The following KCNH1 variants were observed in gnomAD, a reference collection of about 807,000 sequenced individuals.
KCNH1 encodes the protein voltage-gated delayed rectifier potassium channel KCNH1.
Under a neutral mutation model 69.2 loss-of-function variants are expected in KCNH1, and 27 were observed. The observed-to-expected ratio is 0.39, with a 90% CI of 0.29 to 0.54. KCNH1 has a LOEUF of 0.54. KCNH1 is among the 20% of genes least tolerant of loss of function. The probability of loss-of-function intolerance (pLI) is 0.68; values close to 1 mark genes in which losing one functional copy is unlikely to be tolerated. For missense variants in KCNH1, 798 were observed against 1,261.6 expected, an observed-to-expected ratio of 0.63 and a Z score of 5.57; for synonymous variants, 456 against 487.7, an observed-to-expected ratio of 0.93 and a Z score of 0.86.
chr1:210,837,199 A>T (rs1389608395), intron 7 of KCNH1, among the ~76,000 whole-genome samples: 1 of 152,020 alleles, frequency 6.6e-6, no homozygotes, highest in African/African-American at 2.4e-5. Flanking sequence ...CAGTCTGGCT[A>T]ACTCCCTTCA....
chr1:210,796,209 A>G (rs1479521261), intron 9 of KCNH1, among the ~76,000 whole-genome samples: 2 of 152,186 alleles, frequency 1.3e-5, no homozygotes, highest in South Asian at 2.1e-4. Context: ...GGATTGAAGC[A>G]GAGGTTTTGG....
Position 210,862,255 on chromosome 1 carries a change from A to G in KCNH1, c.1462+57385T>C, listed in dbSNP as rs945386063. ...CAGGGCTGGGTCCATGGTGCCCCGCAGGGCCTCGATAATGGTGTTGGGGTC... is the reference window on the plus strand; with the variant it reads ...CAGGGCTGGGTCCATGGTGCCCCGCGGGGCCTCGATAATGGTGTTGGGGTC... On this transcript the variant is annotated intron_variant, in intron 7 of 10. Transcript: ENST00000271751. 1.3e-4 allele frequency: 133 copies of G among 1,055,574 alleles called. No individual in the cohort carries two copies. In the African/African-American group the frequency reaches 1.9e-3, roughly 15 times the overall value. The allele number at this position is 1,055,574 out of a possible 1,614,324, so 65.4% of individuals were successfully genotyped here. A position where few individuals can be genotyped will look rare whatever the true frequency, so the allele number is the denominator to read the frequency against.
Position 211,097,126 on chromosome 1 carries a change from C to A in KCNH1, c.310+6370G>T, listed in dbSNP as rs552291889. ...GAAACAAACCCACATATGTGTGAGACCTTAGCATATAAAGAAAAGGGCATT... is the reference window on the plus strand; with the variant it reads ...GAAACAAACCCACATATGTGTGAGAACTTAGCATATAAAGAAAAGGGCATT... On this transcript the variant is annotated intron_variant, in intron 3 of 10. Coordinates refer to ENST00000271751, the MANE Select transcript of KCNH1 (RefSeq NM_172362.3). Among the ~76,000 whole-genome samples, 5 of 152,136 alleles carry A rather than the reference C, an allele frequency of 3.3e-5. No homozygotes were observed. In the East Asian group the frequency reaches 7.7e-4, roughly 23 times the overall value.
intron 7 of KCNH1, among the ~76,000 whole-genome samples, chr1:210,832,059 G>A (rs1558488185): frequency 6.6e-6 from 1 of 152,074 alleles, no homozygotes; most frequent in African/African-American, 2.4e-5. Context: ...CATTTCTCAT[G>A]ACCTGTTTGC....
intron 7 of KCNH1, among the ~76,000 whole-genome samples, chr1:210,807,579 C>A (rs957256659): frequency 8.6e-5 from 13 of 151,924 alleles, no homozygotes; most frequent in African/African-American, 2.9e-4. Flanking sequence ...CCACTGCACT[C>A]CAGCCTGGGT....
intron 6 of KCNH1, among the ~76,000 whole-genome samples, chr1:210,972,570 T>C (rs1257094811): frequency 6.6e-6 from 1 of 152,172 alleles, no homozygotes. Context: ...CGTTTTCTGA[T>C]GAAGACAATC....
At chr1:210,753,323 T>C (rs1025295613) in intron 10 of KCNH1, among the ~76,000 whole-genome samples, 1 of 152,088 alleles carries the variant, frequency 6.6e-6, no homozygotes, top group African/African-American at 2.4e-5. Context: ...ATGAGTAAAA[T>C]CTGAGACTTC....
chr1:210,997,428 T>C (rs536508752), intron 6 of KCNH1, among the ~76,000 whole-genome samples: 1 of 151,988 alleles, frequency 6.6e-6, no homozygotes, highest in African/African-American at 2.4e-5. Flanking sequence ...GAAGATGAAA[T>C]GAATGAAACG....
At chr1:210,858,885 T>C in intron 7 of KCNH1, 1 of 287,098 alleles carries the variant, frequency 3.5e-6, no homozygotes, top group Non-Finnish European at 6.5e-6. Context: ...TTCCACAGTG[T>C]CACTTTGAAG....
At chr1:210,847,882 A>G (rs1431643068) in intron 7 of KCNH1, among the ~76,000 whole-genome samples, 1 of 152,220 alleles carries the variant, frequency 6.6e-6, no homozygotes, top group African/African-American at 2.4e-5. Context: ...AAAATTAGAT[A>G]GAATGTAACC....
chr1:211,130,497 G>C (rs180741679), intron 1 of KCNH1, among the ~76,000 whole-genome samples: 2 of 152,000 alleles, frequency 1.3e-5, no homozygotes, highest in Non-Finnish European at 2.9e-5. Context: ...TCACAAGGAG[G>C]GTTTCTTGTT....
In KCNH1 at chr1:211,122,920, T is replaced by A. The variant is rs190418711; in HGVS notation, c.79+10947A>T. 1.1e-4 allele frequency among the ~76,000 whole-genome samples: 16 copies of A among 151,578 alleles called. No homozygotes were observed. In the East Asian group the frequency reaches 3.1e-3, roughly 29 times the overall value. On this transcript the variant is annotated intron_variant, in intron 1 of 10. Coordinates refer to ENST00000271751, the MANE Select transcript of KCNH1 (RefSeq NM_172362.3). The stretch of plus-strand genomic sequence containing the variant: ...TATATGTATGTAACAAACCTGCACG[T>A]TCTGCATATGTATCCTTTTTTTTTT...
At chr1:211,071,643 T>C (rs186295488) in intron 5 of KCNH1, among the ~76,000 whole-genome samples, 25 of 152,380 alleles carry the variant, frequency 1.6e-4, no homozygotes, top group African/African-American at 6.0e-4. Flanking sequence ...GATTTGTTTA[T>C]ATTTTACGAT....
chr1:210,916,101 T>A (rs1687327624), intron 7 of KCNH1, among the ~76,000 whole-genome samples: 1 of 151,972 alleles, frequency 6.6e-6, no homozygotes, highest in African/African-American at 2.4e-5. Context: ...TTACTGTTGA[T>A]CCCAAATCTG....
chr1:211,008,222 A>T (rs1490241181), intron 6 of KCNH1, among the ~76,000 whole-genome samples: 4 of 152,228 alleles, frequency 2.6e-5, no homozygotes, highest in Non-Finnish European at 5.9e-5. Context: ...ATTCATCCTT[A>T]AAAAGGAAGC....
intron 10 of KCNH1, among the ~76,000 whole-genome samples, chr1:210,724,031 C>T (rs772154303): frequency 7.2e-5 from 11 of 152,162 alleles, no homozygotes; most frequent in Non-Finnish European, 1.3e-4. Context: ...CATGGGCTAT[C>T]TGTGGTCCTG....
intron 5 of KCNH1, among the ~76,000 whole-genome samples, chr1:211,075,209 C>T (rs181475551): frequency 6.6e-6 from 1 of 152,276 alleles, no homozygotes; most frequent in East Asian, 1.9e-4. Flanking sequence ...ATCAGCCAAG[C>T]CCACATCATG....
chr1:210,695,536 C>G (rs12754319), intron 10 of KCNH1, among the ~76,000 whole-genome samples: 7,228 of 152,200 alleles, frequency 0.047, 253 homozygotes, highest in Non-Finnish European at 0.073. Context: ...AATTATCTCC[C>G]TACTCCCATT....
rs376348293 is a variant in KCNH1, at chr1:210,998,331, C to T, written c.1032+20452G>A. ...GATGGAGGAAGATCTACCAAGAAAA[C>T]GGAGAACAAAAAAAGGCAGGGGTTG... On this transcript the variant is annotated intron_variant, in intron 6 of 10. Coordinates refer to ENST00000271751, the MANE Select transcript of KCNH1 (RefSeq NM_172362.3). Among the ~76,000 whole-genome samples the T allele has an allele frequency of 4.0e-5, 6 of 151,860 alleles. No individual in the cohort carries two copies. The East Asian group carries it at 5.8e-4, about 15-fold the overall frequency.
Sources: gnomAD v4.1 joint callset for allele counts (sites outside exome capture counted in the v4.1 genomes callset) on GRCh38, gnomAD v4.1.1 for gene constraint, MANE v1.5 for transcripts, NCBI Gene and HGNC (gene_info 2026-07-23, HGNC 2026-07-21) for gene names.